PDZD8: variants seen among roughly 807,000 people sequenced by gnomAD.
The protein encoded by PDZD8 is PDZ domain containing 8, also known as PDZ domain-containing protein 8.
In PDZD8, 14 loss-of-function variants were observed where a neutral mutation model predicts 85.8. The ratio of observed to expected loss-of-function variants is 0.16; its 90% confidence interval spans 0.11 to 0.26. PDZD8 has a LOEUF of 0.26. Ranked by LOEUF, PDZD8 falls within the 10% of genes least tolerant of loss-of-function variation. The pLI is 1.00. For missense variants in PDZD8, 1,197 were observed against 1,424.3 expected, an observed-to-expected ratio of 0.84 and a Z score of 2.57; for synonymous variants, 592 against 568.6, an observed-to-expected ratio of 1.04 and a Z score of -0.59.
At chr10:117,326,679 T>C (rs770053286) in intron 2 of PDZD8, among the ~76,000 whole-genome samples, 7 of 152,200 alleles carry the variant, frequency 4.6e-5, no homozygotes, top group Non-Finnish European at 7.3e-5. Context: ...TTTGTTCAAA[T>C]TGAACTAGTG....
At chr10:117,315,232 A>G (rs998816712) in intron 3 of PDZD8, among the ~76,000 whole-genome samples, 3 of 152,158 alleles carry the variant, frequency 2.0e-5, no homozygotes, top group Non-Finnish European at 2.9e-5. Context: ...GAAGATACAG[A>G]AGGCACAGGC....
chr10:117,331,227 G>A (rs951954305), intron 2 of PDZD8, among the ~76,000 whole-genome samples: 9 of 152,208 alleles, frequency 5.9e-5, no homozygotes, highest in African/African-American at 2.2e-4. Context: ...GGTGGAAGCA[G>A]TAGTGGTGGT....
chr10:117,288,959 C>T (rs909804207), intron 4 of PDZD8, among the ~76,000 whole-genome samples: 2 of 151,894 alleles, frequency 1.3e-5, no homozygotes, highest in Non-Finnish European at 2.9e-5. Context: ...CAAAAAAGAC[C>T]GAAAAAATTA....
intron 1 of PDZD8, among the ~76,000 whole-genome samples, chr10:117,363,322 C>T (rs1158305584): frequency 1.3e-5 from 2 of 151,986 alleles, no homozygotes; most frequent in Admixed American, 1.3e-4. Context: ...ACACAAACAC[C>T]AGATGCACTA....
intron 1 of PDZD8, among the ~76,000 whole-genome samples, chr10:117,363,014 C>T (rs1392734004): frequency 6.6e-6 from 1 of 152,052 alleles, no homozygotes; most frequent in Non-Finnish European, 1.5e-5. Flanking sequence ...CAGATATCAC[C>T]TGTCCTAAAT....
At chr10:117,322,041 G>A (rs1844234462) in intron 2 of PDZD8, among the ~76,000 whole-genome samples, 1 of 152,116 alleles carries the variant, frequency 6.6e-6, no homozygotes, top group African/African-American at 2.4e-5. Context: ...CACAGAAAAA[G>A]TTTTTGTTTT....
At chr10:117,341,807 G>T (rs1844617995) in intron 1 of PDZD8, among the ~76,000 whole-genome samples, 1 of 152,206 alleles carries the variant, frequency 6.6e-6, no homozygotes, top group Non-Finnish European at 1.5e-5. Context: ...CACGAATACA[G>T]AGAGCTGACT....
At chr10:117,355,107 T>C (rs1844870089) in intron 1 of PDZD8, among the ~76,000 whole-genome samples, 1 of 152,220 alleles carries the variant, frequency 6.6e-6, no homozygotes, top group East Asian at 1.9e-4. Context: ...TTTACTTAGA[T>C]ACTTCAATTG....
chr10:117,298,886 C>G (rs1403276091), intron 3 of PDZD8, among the ~76,000 whole-genome samples: 1 of 152,034 alleles, frequency 6.6e-6, no homozygotes, highest in Non-Finnish European at 1.5e-5. Context: ...GCAGTCAGCC[C>G]TCCATATCCA....
intron 2 of PDZD8, among the ~76,000 whole-genome samples, chr10:117,330,351 C>T (rs1366256040): frequency 6.6e-6 from 1 of 152,188 alleles, no homozygotes; most frequent in Non-Finnish European, 1.5e-5. Context: ...CTAACCATGC[C>T]TTACTACTTA....
chr10:117,316,213 A>G (rs142942017), intron 3 of PDZD8, among the ~76,000 whole-genome samples: 24 of 152,282 alleles, frequency 1.6e-4, no homozygotes, highest in African/African-American at 4.6e-4. Flanking sequence ...GAGCTCTTTT[A>G]TTGTATAAAT....
intron 3 of PDZD8, among the ~76,000 whole-genome samples, chr10:117,297,758 T>C (rs891980354): frequency 6.6e-6 from 1 of 152,154 alleles, no homozygotes; most frequent in Admixed American, 6.5e-5. Context: ...GATGAGGTGA[T>C]AAAATTATTC....
chr10:117,372,709 C>T (rs972872568), intron 1 of PDZD8, among the ~76,000 whole-genome samples: 4 of 152,142 alleles, frequency 2.6e-5, no homozygotes, highest in Non-Finnish European at 5.9e-5. Context: ...AACCAGAAAT[C>T]GAACACAGTG....
chr10:117,369,015 G>A (rs1047480228), intron 1 of PDZD8, among the ~76,000 whole-genome samples: 3 of 151,852 alleles, frequency 2.0e-5, no homozygotes, highest in African/African-American at 7.3e-5. Context: ...GCCATTTTTA[G>A]TAGAAGCGGG....
In PDZD8 at chr10:117,278,810, A is replaced by G. The variant is rs1844537627; in HGVS notation, c.*4458T>C. Reference sequence around the variant, plus strand: ...TCTAAGTGCAGTGTGTTTGAAGCAAACGAACTTCCAACTCACTTATTTGGC... The same window carrying G: ...TCTAAGTGCAGTGTGTTTGAAGCAAGCGAACTTCCAACTCACTTATTTGGC... On this transcript the variant is annotated 3_prime_UTR_variant, in exon 5 of 5. Transcript: ENST00000334464. 1 of 152,178 alleles carries G rather than the reference A, an allele frequency of 6.6e-6. No homozygotes were observed. The highest frequency in any genetic ancestry group is 1.5e-5 in the Non-Finnish European group (1 of 68,026). The allele number at this position is 152,178 out of a possible 1,614,324, so 9.4% of individuals were successfully genotyped here.
chr10:117,375,220 A>T lies in PDZD8; in HGVS notation c.8T>A (p.Leu3Gln). The change falls in exon 1 of 5, where the codon CTG becomes CAG. Residue 3 changes from leucine (L) to glutamine (Q), a missense_variant. This residue lies in a region of PDZD8 where 172 missense variants were observed against 137.8 expected (regional missense o/e 1.25). Transcript: ENST00000334464. ...GGCCGACGCCAGGATCATGAGCAGC[A>T]GCCCCATCCCGCCACCGCCTCCGCC... The part of the protein sequence containing the change: MG[L>Q]LLMILASAVL... 6.7e-7 allele frequency: 1 copy of T among 1,497,154 alleles called. No individual in the cohort carries two copies. The highest frequency in any genetic ancestry group is 8.9e-7 in the Non-Finnish European group (1 of 1,127,736). The allele number at this position is 1,497,154 out of a possible 1,614,324, so 92.7% of individuals were successfully genotyped here.
At chr10:117,345,902 T>C (rs950494521) in intron 1 of PDZD8, among the ~76,000 whole-genome samples, 1 of 152,060 alleles carries the variant, frequency 6.6e-6, no homozygotes, top group Admixed American at 6.6e-5. Flanking sequence ...TCTCCATAAA[T>C]ATGTTCATGG....
At chr10:117,305,471 T>TACACACACACACACACACACACACAC (rs57037106) in intron 3 of PDZD8, among the ~76,000 whole-genome samples, 1 of 141,764 alleles carries the variant, frequency 7.1e-6, no homozygotes. Flanking sequence ...TACACACACA[T>TACACACACACACACACACACACACAC]ACACACACAC....
At chr10:117,336,893 TA>T (rs572471697) in intron 2 of PDZD8, among the ~76,000 whole-genome samples, 148 of 143,824 alleles carry the variant, frequency 1.0e-3, no homozygotes, top group South Asian at 3.3e-3. Flanking sequence ...ATTTAAAACT[TA>T]AAAAAAAAAA....
Sources: gnomAD v4.1 joint callset for allele counts (sites outside exome capture counted in the v4.1 genomes callset) on GRCh38, gnomAD v4.1.1 for gene constraint, gnomAD v4.1.1 regional missense constraint, MANE v1.5 for transcripts, NCBI Gene and HGNC (gene_info 2026-07-23, HGNC 2026-07-21) for gene names.